The following LRFN2 variants were observed in gnomAD, a reference collection of about 807,000 sequenced individuals.
LRFN2 encodes leucine rich repeat and fibronectin type III domain containing 2, also known as leucine-rich repeat and fibronectin type-III domain-containing protein 2.
Under a neutral mutation model 37.3 loss-of-function variants are expected in LRFN2, and 18 were observed. The ratio of observed to expected loss-of-function variants is 0.48; its 90% confidence interval spans 0.33 to 0.72. LRFN2 has a LOEUF of 0.72. Ranked by LOEUF, LRFN2 falls within the 30% of genes least tolerant of loss-of-function variation. LRFN2 has a pLI of 0.02. For missense variants in LRFN2, 1,006 were observed against 1,060.7 expected (o/e 0.95, Z 0.72); for synonymous variants, 556 against 466.6 (o/e 1.19, Z -2.47).
chr6:40,511,503 C>T (rs560096966), intron 1 of LRFN2, among the ~76,000 whole-genome samples: 1 of 152,298 alleles, frequency 6.6e-6, no homozygotes, highest in South Asian at 2.1e-4. Flanking sequence ...CTCTAAGTCA[C>T]AAACTGGTAA....
chr6:40,527,906 T>C (rs1327684381), intron 1 of LRFN2, among the ~76,000 whole-genome samples: 1 of 152,230 alleles, frequency 6.6e-6, no homozygotes, highest in Non-Finnish European at 1.5e-5. Context: ...TAATCATAGC[T>C]ATAATAGCTA....
intron 1 of LRFN2, among the ~76,000 whole-genome samples, chr6:40,470,623 T>A (rs537436951): frequency 2.1e-5 from 3 of 143,138 alleles, no homozygotes; most frequent in Non-Finnish European, 4.5e-5. Context: ...AAAAAAAAAA[T>A]AGGCTGTGTT....
At chr6:40,517,889 T>C (rs779743793) in intron 1 of LRFN2, among the ~76,000 whole-genome samples, 3 of 152,046 alleles carry the variant, frequency 2.0e-5, no homozygotes, top group African/African-American at 4.8e-5. Flanking sequence ...AATCACTCAA[T>C]CAAAGTTCAC....
At chr6:40,472,108 G>A (rs980194358) in intron 1 of LRFN2, among the ~76,000 whole-genome samples, 3 of 152,150 alleles carry the variant, frequency 2.0e-5, no homozygotes, top group African/African-American at 4.8e-5. Flanking sequence ...AAGACAATCA[G>A]GTTGTACTTA....
chr6:40,428,573 A>T (rs1328874481), intron 2 of LRFN2, among the ~76,000 whole-genome samples: 5 of 152,220 alleles, frequency 3.3e-5, no homozygotes, highest in Non-Finnish European at 7.3e-5. Flanking sequence ...AGTGGGCAGC[A>T]TGACCACAGG....
chr6:40,416,004 T>C (rs1251965240), intron 2 of LRFN2, among the ~76,000 whole-genome samples: 1 of 152,188 alleles, frequency 6.6e-6, no homozygotes, highest in African/African-American at 2.4e-5. Context: ...TGCAGTGAGA[T>C]GTCACTTTTG....
At chr6:40,577,663 T>C (rs191020198) in intron 1 of LRFN2, among the ~76,000 whole-genome samples, 4,040 of 134,318 alleles carry the variant, frequency 0.03, 84 homozygotes, top group African/African-American at 0.053. Context: ...AATTCCCACC[T>C]ATGAGTGAGA....
chr6:40,538,613 TC>T (rs1239368822), intron 1 of LRFN2, among the ~76,000 whole-genome samples: 4 of 152,182 alleles, frequency 2.6e-5, no homozygotes, highest in African/African-American at 9.7e-5. Flanking sequence ...CCCCAATCAT[TC>T]CCTGCTTTCC....
chr6:40,411,168 G>T (rs1477342135), intron 2 of LRFN2, among the ~76,000 whole-genome samples: 2 of 152,216 alleles, frequency 1.3e-5, no homozygotes, highest in Non-Finnish European at 2.9e-5. Flanking sequence ...TGAAGCCCCA[G>T]AAATTGGCTC....
At chr6:40,453,582 C>T (rs983636120) in intron 1 of LRFN2, among the ~76,000 whole-genome samples, 5 of 151,776 alleles carry the variant, frequency 3.3e-5, no homozygotes, top group African/African-American at 1.2e-4. Context: ...TTTGCAAACA[C>T]ACATACCTCT....
chr6:40,572,224 C>G (rs536598840), intron 1 of LRFN2, among the ~76,000 whole-genome samples: 4 of 152,274 alleles, frequency 2.6e-5, no homozygotes, highest in African/African-American at 9.6e-5. Context: ...AGTACCTGTG[C>G]CTTAGGTTGT....
rs371254507 is a variant in LRFN2, at chr6:40,425,698, C to T, written c.1400+6016G>A. ...TAGTCACAAAGGAAACAGGCCAGGC[C>T]CTGCTGGTGGACTGTCTGTCTCCAG... On this transcript the variant is annotated intron_variant, in intron 2 of 2. Coordinates refer to ENST00000338305, the MANE Select transcript of LRFN2 (RefSeq NM_020737.3). Among the ~76,000 whole-genome samples the T allele has an allele frequency of 9.2e-5, 14 of 152,332 alleles. No individual in the cohort carries two copies. In the East Asian group the frequency reaches 2.7e-3, roughly 29 times the overall value.
At chr6:40,465,474 G>A (rs1170046867) in intron 1 of LRFN2, among the ~76,000 whole-genome samples, 4 of 152,130 alleles carry the variant, frequency 2.6e-5, no homozygotes, top group Non-Finnish European at 4.4e-5. Context: ...TGCCCTTCCT[G>A]CTCTCACTTC....
intron 1 of LRFN2, among the ~76,000 whole-genome samples, chr6:40,468,126 G>A (rs1047918593): frequency 1.3e-5 from 2 of 152,134 alleles, no homozygotes; most frequent in African/African-American, 4.8e-5. Context: ...CTGCTCTGGG[G>A]TGGGCTGTGG....
chr6:40,572,540 CAG>C (rs1322636420), intron 1 of LRFN2, among the ~76,000 whole-genome samples: 1 of 152,220 alleles, frequency 6.6e-6, no homozygotes, highest in African/African-American at 2.4e-5. Flanking sequence ...GACCCCGCAG[CAG>C]AGGAAGGGGC....
intron 1 of LRFN2, among the ~76,000 whole-genome samples, chr6:40,498,816 C>T (rs1765300355): frequency 6.6e-6 from 1 of 152,126 alleles, no homozygotes; most frequent in Non-Finnish European, 1.5e-5. Flanking sequence ...GACTCTTGCA[C>T]ACAGACTTAT....
At chr6:40,464,400 A>G (rs1764412674) in intron 1 of LRFN2, among the ~76,000 whole-genome samples, 2 of 152,224 alleles carry the variant, frequency 1.3e-5, no homozygotes, top group South Asian at 4.1e-4. Context: ...TGATGAATTA[A>G]TGCTGTTATG....
At chr6:40,526,152 C>G (rs576810895) in intron 1 of LRFN2, among the ~76,000 whole-genome samples, 1 of 152,348 alleles carries the variant, frequency 6.6e-6, no homozygotes, top group Admixed American at 6.5e-5. Context: ...ACTGCTGTCC[C>G]CATTCCACAG....
intron 1 of LRFN2, among the ~76,000 whole-genome samples, chr6:40,586,739 T>G (rs67520619): frequency 0.15 from 22,493 of 151,676 alleles, 1,917 homozygotes; most frequent in Middle Eastern, 0.27. Context: ...AAATAAAGAC[T>G]AAAGAAAGGA....
Sources: gnomAD v4.1 joint callset for allele counts (sites outside exome capture counted in the v4.1 genomes callset) on GRCh38, gnomAD v4.1.1 for gene constraint, MANE v1.5 for transcripts, NCBI Gene and HGNC (gene_info 2026-07-23, HGNC 2026-07-21) for gene names.